Variants in DDAH1 observed in about 807,000 individuals in gnomAD.
DDAH1 encodes the protein dimethylarginine dimethylaminohydrolase 1, also known as N(G),N(G)-dimethylarginine dimethylaminohydrolase 1.
A neutral mutation model predicts 28.8 loss-of-function variants in DDAH1; 19 were observed. That is an observed-to-expected ratio of 0.66 (90% confidence interval 0.46 to 0.97). The LOEUF (loss-of-function observed/expected upper bound fraction) is 0.97, where lower values mean the gene tolerates loss of function less well. Ranked by LOEUF, DDAH1 falls within the 50% of genes least tolerant of loss-of-function variation. The pLI is 0.00. For missense variants in DDAH1, 326 were observed against 375.9 expected (o/e 0.87, Z 1.10); for synonymous variants, 153 against 154.4 (o/e 0.99, Z 0.07).
intron 1 of DDAH1, among the ~76,000 whole-genome samples, chr1:85,459,712 T>C (rs1025437589): frequency 6.6e-6 from 1 of 152,190 alleles, no homozygotes; most frequent in Non-Finnish European, 1.5e-5. Flanking sequence ...CATTTAAAAA[T>C]GCAATCATCC....
upstream of DDAH1, among the ~76,000 whole-genome samples, chr1:85,469,930 T>C (rs1188636470): frequency 6.6e-6 from 1 of 152,226 alleles, no homozygotes; most frequent in Non-Finnish European, 1.5e-5. Context: ...CCTAAAGCTA[T>C]TTCTGTTCTG....
intron 1 of DDAH1, among the ~76,000 whole-genome samples, chr1:85,431,710 TACTC>T (rs1216700447): frequency 1.3e-5 from 2 of 152,198 alleles, no homozygotes; most frequent in Non-Finnish European, 2.9e-5. Flanking sequence ...CTTGATCTGT[TACTC>T]AGTAATCAGC....
intron 1 of DDAH1, among the ~76,000 whole-genome samples, chr1:85,407,660 G>A (rs1652468517): frequency 6.6e-6 from 1 of 152,096 alleles, no homozygotes; most frequent in South Asian, 2.1e-4. Flanking sequence ...AATCTGAAAG[G>A]AGGCTTTTTG....
intron 1 of DDAH1, among the ~76,000 whole-genome samples, chr1:85,418,965 G>A (rs1051677046): frequency 1.3e-5 from 2 of 152,138 alleles, no homozygotes; most frequent in African/African-American, 4.8e-5. Flanking sequence ...TGCATTACAA[G>A]AGGGAAAGAG....
At chr1:85,483,885 A>T (rs1357600138) in intron 2 of DDAH1, among the ~76,000 whole-genome samples, 1 of 152,192 alleles carries the variant, frequency 6.6e-6, no homozygotes, top group Non-Finnish European at 1.5e-5. Flanking sequence ...AGAATAGAGC[A>T]TATGATCATA....
At chr1:85,557,100 G>C (rs1658994438) in intron 1 of DDAH1, among the ~76,000 whole-genome samples, 1 of 152,190 alleles carries the variant, frequency 6.6e-6, no homozygotes. Context: ...CTGGGTGACA[G>C]AGCGAGACTC....
chr1:85,443,246 G>A (rs1654281252), intron 1 of DDAH1, among the ~76,000 whole-genome samples: 1 of 152,114 alleles, frequency 6.6e-6, no homozygotes. Context: ...TCTACATATG[G>A]CTAGTCAGTT....
intron 1 of DDAH1, among the ~76,000 whole-genome samples, chr1:85,556,368 G>A (rs1458030215): frequency 3.3e-5 from 5 of 152,144 alleles, no homozygotes; most frequent in Admixed American, 2.6e-4. Context: ...ATTAATGTAT[G>A]AGGTAGATCA....
Position 85,351,574 on chromosome 1 carries a change from C to T in DDAH1, c.409G>A (p.Glu137Lys). 1.2e-6 allele frequency: 2 copies of T among 1,613,926 alleles called. No individual in the cohort carries two copies. Among genetic ancestry groups the T allele is most frequent in the East Asian group, 2.2e-5 (1 of 44,868 alleles). The change falls in exon 3 of 6, where the codon GAA becomes AAA. Residue 137 changes from glutamate (E) to lysine (K), a missense_variant. By Grantham distance (56) the Glu-to-Lys change is moderately conservative. Transcript: ENST00000284031. ...DGGDVLFTGR[E>K]FFVGLSKRTN... is the part of the protein sequence containing the mutation. ...CTTTTGGAAAGGCCCACAAAAAATT[C>T]TCTGCCTGTAATAGATGTCATGGAA...
At chr1:85,398,850 T>C (rs1007301847) in intron 1 of DDAH1, 3 of 152,230 alleles carry the variant, frequency 2.0e-5, no homozygotes, top group Admixed American at 6.5e-5. Flanking sequence ...GAATCTGTTA[T>C]GTCAAATCTG....
chr1:85,366,029 T>C (rs760944837), intron 1 of DDAH1, among the ~76,000 whole-genome samples: 3 of 151,894 alleles, frequency 2.0e-5, no homozygotes, highest in Non-Finnish European at 4.4e-5. Flanking sequence ...ATCCATGTTG[T>C]GAATTGCCTG....
chr1:85,507,527 T>TAAACAAACAAACAAAC (rs139094334), intron 1 of DDAH1, among the ~76,000 whole-genome samples: 1 of 149,254 alleles, frequency 6.7e-6, no homozygotes, highest in African/African-American at 2.5e-5. Flanking sequence ...AATAAATAAA[T>TAAACAAACAAACAAAC]AAACAAACAA....
At chr1:85,354,693 A>G (rs1301524025) in intron 2 of DDAH1, among the ~76,000 whole-genome samples, 1 of 152,152 alleles carries the variant, frequency 6.6e-6, no homozygotes, top group Non-Finnish European at 1.5e-5. Flanking sequence ...CCTTTGAATG[A>G]ATCAAAGATT....
At chr1:85,399,717 G>A (rs935216083) in intron 1 of DDAH1, 1 of 152,210 alleles carries the variant, frequency 6.6e-6, no homozygotes, top group Admixed American at 6.5e-5. Flanking sequence ...AGTTTCCTCT[G>A]TTTTAATCCT....
intron 1 of DDAH1, among the ~76,000 whole-genome samples, chr1:85,462,420 G>A (rs1655162179): frequency 6.6e-6 from 1 of 152,158 alleles, no homozygotes; most frequent in South Asian, 2.1e-4. Flanking sequence ...TGGCTACAGT[G>A]TGGGAATGGA....
At chr1:85,395,672 CAAAAA>C (rs71075833) in intron 1 of DDAH1, among the ~76,000 whole-genome samples, 1 of 139,480 alleles carries the variant, frequency 7.2e-6, no homozygotes, top group African/African-American at 2.7e-5. Flanking sequence ...GACTCCATCT[CAAAAA>C]AAAAAAAAGA....
chr1:85,348,928 T>C (rs1303890750), intron 4 of DDAH1, among the ~76,000 whole-genome samples: 1 of 152,212 alleles, frequency 6.6e-6, no homozygotes, highest in African/African-American at 2.4e-5. Context: ...GAAGAAGTTC[T>C]TTCTGCTAAT....
At chr1:85,534,746 A>T (rs1658214962) in intron 1 of DDAH1, among the ~76,000 whole-genome samples, 2 of 152,080 alleles carry the variant, frequency 1.3e-5, no homozygotes, top group South Asian at 4.1e-4. Context: ...CAGGAATAAC[A>T]TCTCAGAACT....
rs188862078 is a variant in DDAH1 at position 85,540,315 on chromosome 1, G to A, written c.-123+37669C>T. 8.7e-4 allele frequency among the ~76,000 whole-genome samples: 133 copies of A among 152,062 alleles called. 1 individual carries two copies. In the East Asian group the frequency reaches 0.018, roughly 21 times the overall value. ...CATTTACCCAGCCCTGGGCCTTGGC[G>A]TTGATTTCTGCTGTGCCTGGACTAT... On this transcript the variant is annotated intron_variant, in intron 1 of 6. Coordinates refer to the DDAH1 transcript ENST00000426972.
Sources: allele counts gnomAD v4.1 joint callset (sites outside exome capture counted in the v4.1 genomes callset), GRCh38; gene constraint gnomAD v4.1.1; transcripts MANE v1.5; gene names NCBI Gene and HGNC (gene_info 2026-07-23, HGNC 2026-07-21).